The following CFAP20DC variants were observed in gnomAD, a reference collection of about 807,000 sequenced individuals.
The protein encoded by CFAP20DC is protein CFAP20DC.
Under a neutral mutation model 101.7 loss-of-function variants are expected in CFAP20DC, and 84 were observed. That is an observed-to-expected ratio of 0.83 (90% CI 0.69 to 0.99). The LOEUF (loss-of-function observed/expected upper bound fraction) is 0.99, where lower values mean the gene tolerates loss of function less well. Ranked by LOEUF, CFAP20DC falls within the 50% of genes least tolerant of loss-of-function variation. The pLI, the probability that CFAP20DC is intolerant of heterozygous loss-of-function variation, is 0.00. For missense variants in CFAP20DC, 1,007 were observed against 970.3 expected (o/e 1.04, Z -0.50); for synonymous variants, 359 against 351.2 (o/e 1.02, Z -0.25).
intron 4 of CFAP20DC, chr3:59,019,174 T>C (rs2093751521): frequency 6.6e-6 from 1 of 152,098 alleles, no homozygotes; most frequent in Non-Finnish European, 1.5e-5. Context: ...CCACTTAAGT[T>C]TTGTAAGAGC....
intron 15 of CFAP20DC, among the ~76,000 whole-genome samples, chr3:58,769,453 A>C (rs561010814): frequency 2.0e-5 from 3 of 152,294 alleles, no homozygotes; most frequent in African/African-American, 4.8e-5. Context: ...TGACTTCTTC[A>C]CATATTGAAT....
chr3:58,858,531 G>A (rs561024165), intron 12 of CFAP20DC, among the ~76,000 whole-genome samples: 81 of 152,204 alleles, frequency 5.3e-4, no homozygotes, highest in Non-Finnish European at 9.3e-4. Flanking sequence ...TGGGACCCAG[G>A]CTCTTTGTAC....
In CFAP20DC at chr3:58,863,713, A is replaced by C. The variant is rs1349148682; in HGVS notation, c.1438T>G (p.Phe480Val). ...SQSVPKDIFTFSSRPRSAPHG... is the reference protein window; with the variant it reads ...SQSVPKDIFTVSSRPRSAPHG... ...GGTGCTGATCGTGGTCTTGATGAAA[A>C]AGTGAAAATGTCCTTTGGAACACTC... The change falls in exon 12 of 17, where the codon TTT becomes GTT. Residue 480 changes from phenylalanine (F) to valine (V), a missense_variant. Physicochemically the swap from Phe to Val is conservative, Grantham distance 50 (BLOSUM62 -1). Coordinates refer to ENST00000482387, the MANE Select transcript of CFAP20DC (RefSeq NM_001394063.1). This position sits in a 1 kb window ranked among gnomAD's most constrained non-coding sequence, Gnocchi z 5.9. The C allele has an allele frequency of 1.9e-6, 3 of 1,614,114 alleles. No homozygotes were observed. The highest frequency in any genetic ancestry group is 3.3e-5 in the Admixed American group (2 of 60,022).
intron 15 of CFAP20DC, among the ~76,000 whole-genome samples, chr3:58,763,622 T>A (rs1185630642): frequency 6.6e-6 from 1 of 152,244 alleles, no homozygotes; most frequent in Admixed American, 6.5e-5. Flanking sequence ...CTCTGATTTT[T>A]AGAGTTTCCA....
Position 58,913,629 on chromosome 3 carries a change from C to T in CFAP20DC, c.550+79G>A, listed in dbSNP as rs753244772. On this transcript the variant is annotated intron_variant, in intron 6 of 16. Transcript: ENST00000482387. The surrounding 1 kb of genome is among the most constrained non-coding windows in gnomAD (Gnocchi z 4.4). ...CATAACATCAAACTGCTACCACACA[C>T]TCATACTATCCCAAAGGTATGGCTA... is the stretch of plus-strand genomic sequence containing the variant. The T allele has an allele frequency of 2.1e-6, 3 of 1,416,786 alleles. No homozygotes were observed. The highest frequency in any genetic ancestry group is 1.4e-5 in the African/African-American group (1 of 70,894). 87.8% of individuals were successfully genotyped at this position (1,416,786 alleles called of 1,614,324 possible).
rs1382559432 is a variant in CFAP20DC, at chr3:58,913,226, C to A, written c.550+482G>T. Among the ~76,000 whole-genome samples the A allele has an allele frequency of 6.6e-6, 1 of 152,124 alleles. No homozygotes were observed. The highest frequency in any genetic ancestry group is 1.5e-5 in the Non-Finnish European group (1 of 68,014). ...AGCATTATGATGTGACTTATGGAGT[C>A]TCTGTATAGTTGCAGTAGCTACTGG... is the stretch of plus-strand genomic sequence containing the variant. On this transcript the variant is annotated intron_variant, in intron 6 of 16. Coordinates refer to ENST00000482387, the MANE Select transcript of CFAP20DC (RefSeq NM_001394063.1). This position sits in a 1 kb window ranked among gnomAD's most constrained non-coding sequence, Gnocchi z 4.4.
intron 15 of CFAP20DC, among the ~76,000 whole-genome samples, chr3:58,785,882 G>C (rs1233253191): frequency 6.6e-6 from 1 of 152,060 alleles, no homozygotes; most frequent in Non-Finnish European, 1.5e-5. Context: ...AGACTTTTAG[G>C]AGCTCAGAGA....
intron 3 of CFAP20DC, among the ~76,000 whole-genome samples, chr3:59,043,147 C>T (rs752686898): frequency 6.6e-6 from 1 of 152,054 alleles, no homozygotes; most frequent in Non-Finnish European, 1.5e-5. Context: ...TAGAGTAAGA[C>T]AGAGATGGCA....
chr3:58,961,494 C>T (rs764796783), intron 4 of CFAP20DC, among the ~76,000 whole-genome samples: 1 of 152,108 alleles, frequency 6.6e-6, no homozygotes, highest in Non-Finnish European at 1.5e-5. Flanking sequence ...GCAGAGGTTG[C>T]AGTGAGCGAA....
chr3:58,835,354 A>T (rs2076666358), intron 13 of CFAP20DC, among the ~76,000 whole-genome samples: 1 of 152,154 alleles, frequency 6.6e-6, no homozygotes, highest in Non-Finnish European at 1.5e-5. Flanking sequence ...GTGGCATTTG[A>T]GAGTAATTAA....
intron 11 of CFAP20DC, among the ~76,000 whole-genome samples, chr3:58,866,082 A>T (rs1042161237): frequency 1.3e-5 from 2 of 152,358 alleles, no homozygotes; most frequent in African/African-American, 4.8e-5. Context: ...ATTGCACCTA[A>T]CATTTTAATG....
chr3:58,816,188 T>C (rs370649080), intron 14 of CFAP20DC, among the ~76,000 whole-genome samples: 2,201 of 152,010 alleles, frequency 0.014, 33 homozygotes, highest in Middle Eastern at 0.021. Flanking sequence ...CCATAAAAAA[T>C]GATGAGTTCA....
intron 14 of CFAP20DC, among the ~76,000 whole-genome samples, chr3:58,808,720 A>C (rs1369773935): frequency 6.6e-6 from 1 of 152,178 alleles, no homozygotes; most frequent in East Asian, 1.9e-4. Flanking sequence ...AACTATATTA[A>C]CCTTAAATGT....
intron 6 of CFAP20DC, among the ~76,000 whole-genome samples, chr3:58,890,885 C>T (rs1191570840): frequency 6.7e-6 from 1 of 148,754 alleles, no homozygotes; most frequent in Admixed American, 6.6e-5. Context: ...GGAAGAGGCG[C>T]TCCTCACTTC....
intron 14 of CFAP20DC, among the ~76,000 whole-genome samples, chr3:58,828,834 T>A (rs767554490): frequency 6.6e-6 from 1 of 150,664 alleles, no homozygotes; most frequent in South Asian, 2.1e-4. Flanking sequence ...TAATCTGTCA[T>A]GGGATTAAGG....
At chr3:58,919,189 T>A (rs1393498363) in intron 5 of CFAP20DC, among the ~76,000 whole-genome samples, 2 of 152,214 alleles carry the variant, frequency 1.3e-5, no homozygotes, top group African/African-American at 2.4e-5. Flanking sequence ...ATAAATGGAA[T>A]CACAGTAAAT....
At chr3:58,916,551 G>C (rs1012264321) in intron 5 of CFAP20DC, among the ~76,000 whole-genome samples, 1 of 152,126 alleles carries the variant, frequency 6.6e-6, no homozygotes, top group Admixed American at 6.6e-5. Context: ...TATGTGCACT[G>C]ACTGTGGGCA....
chr3:58,806,738 C>T (rs112589851), intron 14 of CFAP20DC, among the ~76,000 whole-genome samples: 6 of 152,342 alleles, frequency 3.9e-5, no homozygotes, highest in African/African-American at 1.4e-4. Flanking sequence ...GTGCAGCGCA[C>T]CGTGTGCGAG....
chr3:58,734,469 T>C (rs2107093939), intron 3 of CFAP20DC: 4 of 451,096 alleles, frequency 8.9e-6, no homozygotes, highest in Middle Eastern at 6.6e-4. Context: ...ACTGAGTGCT[T>C]ACCATGTGCT....
Sources: gnomAD v4.1 joint callset for allele counts (sites outside exome capture counted in the v4.1 genomes callset) on GRCh38, gnomAD v4.1.1 for gene constraint, Gnocchi (gnomAD v3.1) non-coding constraint, MANE v1.5 for transcripts, NCBI Gene and HGNC (gene_info 2026-07-23, HGNC 2026-07-21) for gene names.